PDILT: variants seen among roughly 807,000 people sequenced by gnomAD.
PDILT encodes the protein protein disulfide isomerase like, testis expressed, also known as protein disulfide-isomerase-like protein of the testis.
In PDILT, 43 loss-of-function variants were observed where a neutral mutation model predicts 53.7. The observed-to-expected ratio is 0.80, with a 90% confidence interval of 0.63 to 1.03. PDILT has a LOEUF of 1.03. PDILT is among the 50% of genes least tolerant of loss of function. PDILT has a pLI of 0.00. For synonymous variants in PDILT, 282 were observed against 274.2 expected (o/e 1.03, Z -0.28); for missense variants, 727 against 712.3 (o/e 1.02, Z -0.24).
At chr16:20,398,953 G>T in intron 2 of PDILT, 146 bp downstream of exon 2, 3 of 865,696 alleles carry the variant, frequency 3.5e-6, no homozygotes, top group Non-Finnish European at 3.6e-6. Context: ...GATTGGAGAT[G>T]ATGCTGTCTA....
chr16:20,386,580 TG>T (rs895126512), intron 2 of PDILT, among the ~76,000 whole-genome samples: 94 of 152,264 alleles, frequency 6.2e-4, no homozygotes, highest in African/African-American at 1.9e-3. Context: ...GCTCCTGCAA[TG>T]GGATCGGAAA....
chr16:20,401,164 G>C (rs984847365), intron 1 of PDILT, among the ~76,000 whole-genome samples: 3 of 152,184 alleles, frequency 2.0e-5, no homozygotes, highest in Non-Finnish European at 4.4e-5. Context: ...CTGTGTCTCA[G>C]CCAAAGGGCT....
intron 6 of PDILT, 22 bp downstream of exon 6, chr16:20,372,990 C>T (rs376361537): frequency 6.0e-5 from 97 of 1,613,526 alleles, no homozygotes; most frequent in Middle Eastern, 1.6e-4. Context: ...CCCCTTCCTC[C>T]GGGGACCATT....
At chr16:20,363,352 T>C (rs879905341) in intron 9 of PDILT, among the ~76,000 whole-genome samples, 1 of 152,214 alleles carries the variant, frequency 6.6e-6, no homozygotes, top group Non-Finnish European at 1.5e-5. Context: ...TTTTCTTTTT[T>C]TCAAATTCCT....
intron 3 of PDILT, among the ~76,000 whole-genome samples, chr16:20,379,801 T>C (rs745495208): frequency 2.6e-4 from 40 of 152,310 alleles, no homozygotes; most frequent in Non-Finnish European, 5.1e-4. Flanking sequence ...GAAGCTGATA[T>C]GGTGGCTTCA....
rs186440841 is a variant in PDILT, at chr16:20,380,022, G to A, written c.410-3821C>T. Among the ~76,000 whole-genome samples the A allele has an allele frequency of 3.4e-3, 524 of 152,288 alleles. 3 individuals carry two copies. Among genetic ancestry groups the A allele is most frequent in the African/African-American group, 0.012 (498 of 41,570 alleles). On this transcript the variant is annotated intron_variant, in intron 3 of 11. Coordinates refer to ENST00000302451, the MANE Select transcript of PDILT (RefSeq NM_174924.2). ...AAAGTATATTGTAAGTGATCCAAAA[G>A]GAATTGATTTACAAAATCTGAAAAT...
intron 9 of PDILT, 37 bp from the exon 10 acceptor site, chr16:20,362,619 T>A (rs764836780): frequency 7.5e-6 from 12 of 1,606,036 alleles, no homozygotes; most frequent in Non-Finnish European, 9.4e-6. Flanking sequence ...CTCACATTGA[T>A]GAAGATCCAG....
At chr16:20,362,659 G>T in intron 9 of PDILT, 77 bp from the exon 10 acceptor site, 2 of 1,394,980 alleles carry the variant, frequency 1.4e-6, no homozygotes, top group Non-Finnish European at 1.0e-6. Context: ...ACATGGCATC[G>T]CTGTGTTCCA....
chr16:20,403,400 C>A (rs11649204), intron 1 of PDILT, among the ~76,000 whole-genome samples: 7 of 152,036 alleles, frequency 4.6e-5, no homozygotes, highest in South Asian at 2.1e-4. Context: ...AGCGATTCTC[C>A]TGCTTCAACC....
intron 2 of PDILT, among the ~76,000 whole-genome samples, chr16:20,392,625 T>G (rs1389209254): frequency 6.6e-6 from 1 of 152,228 alleles, no homozygotes; most frequent in East Asian, 1.9e-4. Flanking sequence ...AATTTAATTA[T>G]GTATTGGCAG....
chr16:20,389,709 C>T (rs569010141), intron 2 of PDILT, among the ~76,000 whole-genome samples: 3 of 152,214 alleles, frequency 2.0e-5, no homozygotes, highest in African/African-American at 2.4e-5. Context: ...CTAGAATTAA[C>T]GTTTGCCTGG....
chr16:20,401,313 T>C (rs1026519688), intron 1 of PDILT, among the ~76,000 whole-genome samples: 6 of 152,178 alleles, frequency 3.9e-5, no homozygotes, highest in Non-Finnish European at 5.9e-5. Context: ...TTAGAAATAA[T>C]TTACTTCCTT....
At chr16:20,363,036 C>A (rs1270048212) in intron 9 of PDILT, among the ~76,000 whole-genome samples, 19 of 126,850 alleles carry the variant, frequency 1.5e-4, no homozygotes, top group African/African-American at 5.9e-4. Flanking sequence ...TGCGCCACTG[C>A]ACTCGAGTCT....
At chr16:20,383,744 G>A (rs1596591366) in intron 3 of PDILT, among the ~76,000 whole-genome samples, 1 of 152,118 alleles carries the variant, frequency 6.6e-6, no homozygotes, top group Non-Finnish European at 1.5e-5. Context: ...CATATATAAT[G>A]GGAACATTCT....
At chr16:20,385,195 A>G (rs1966518821) in intron 2 of PDILT, among the ~76,000 whole-genome samples, 1 of 152,210 alleles carries the variant, frequency 6.6e-6, no homozygotes, top group South Asian at 2.1e-4. Flanking sequence ...TTATGTCACA[A>G]CCAGCTATAA....
chr16:20,366,985 TTC>T (rs879389274), intron 8 of PDILT, among the ~76,000 whole-genome samples: 7,059 of 83,416 alleles, frequency 0.085, 595 homozygotes, highest in Non-Finnish European at 0.13. Context: ...CCTTCCTTCC[TTC>T]CTTTCTTTCT....
chr16:20,384,788 A>G lies in PDILT; in HGVS notation c.266T>C (p.Met89Thr). ...AEELGKAVEI[M>T]GKGKNGIGFG... The stretch of plus-strand genomic sequence containing the variant: ...GCCGATCCCATTCTTGCCTTTGCCC[A>G]TGATCTCCACAGCTTTGCCCAGCTC... Residue 89 changes from methionine (M) to threonine (T), a missense_variant, in exon 3 of 12, where the codon ATG becomes ACG. Transcript: ENST00000302451. 3.1e-6 allele frequency: 5 copies of G among 1,614,110 alleles called. No homozygotes were observed. Among genetic ancestry groups the G allele is most frequent in the Non-Finnish European group, 4.2e-6 (5 of 1,180,036 alleles).
In PDILT at chr16:20,400,125, G is replaced by A. The variant is rs555262890; in HGVS notation, c.-7-818C>T. Among the ~76,000 whole-genome samples the A allele has an allele frequency of 4.6e-5, 7 of 151,138 alleles. No homozygotes were observed. The South Asian group carries it at 8.4e-4, about 18-fold the overall frequency. ...CACCCAGGCTGGGGTGCAGTGGCACGGTCTCACCTCACTGCGACCTCTGCA... is the reference window on the plus strand; with the variant it reads ...CACCCAGGCTGGGGTGCAGTGGCACAGTCTCACCTCACTGCGACCTCTGCA... On this transcript the variant is annotated intron_variant, in intron 1 of 11. Transcript: ENST00000302451.
intron 2 of PDILT, among the ~76,000 whole-genome samples, chr16:20,387,870 C>T (rs756652874): frequency 6.6e-6 from 1 of 152,058 alleles, no homozygotes; most frequent in Non-Finnish European, 1.5e-5. Flanking sequence ...GTGATCTGAG[C>T]TACTTTTTAA....
Sources: allele counts gnomAD v4.1 joint callset (sites outside exome capture counted in the v4.1 genomes callset), GRCh38; gene constraint gnomAD v4.1.1; transcripts MANE v1.5; gene names NCBI Gene and HGNC (gene_info 2026-07-23, HGNC 2026-07-21).